MMP24: variants seen among roughly 807,000 people sequenced by gnomAD.
MMP24 encodes matrix metallopeptidase 24.
MMP24 carries 25 observed loss-of-function variants against 62.8 expected under a neutral mutation model. The observed-to-expected ratio is 0.40, with a 90% CI of 0.29 to 0.56. The LOEUF (loss-of-function observed/expected upper bound fraction) is 0.56. MMP24 is among the 20% of genes least tolerant of loss of function. The pLI, the probability that MMP24 is intolerant of heterozygous loss-of-function variation, is 0.50. For missense variants in MMP24, 634 were observed against 853.6 expected, an observed-to-expected ratio of 0.74 and a Z score of 3.21; for synonymous variants, 319 against 350.5, an observed-to-expected ratio of 0.91 and a Z score of 1.00.
At chr20:35,263,304 C>A (rs1221575328) in intron 4 of MMP24, 1 of 151,834 alleles carries the variant, frequency 6.6e-6, no homozygotes, top group East Asian at 1.9e-4. Context: ...TCTCTCCGGC[C>A]CTCCCCTCCT....
intron 1 of MMP24, among the ~76,000 whole-genome samples, chr20:35,233,379 A>C (rs1238734472): frequency 6.6e-6 from 1 of 152,204 alleles, no homozygotes; most frequent in East Asian, 1.9e-4. Flanking sequence ...ACTGTACTCC[A>C]GCCAAAGCAA....
At chr20:35,246,775 C>A in intron 1 of MMP24, 65 bp from the exon 2 acceptor site, 1 of 1,578,508 alleles carries the variant, frequency 6.3e-7, no homozygotes, top group Admixed American at 1.7e-5. Flanking sequence ...CAAGGCACAT[C>A]TCTGCCCAGG....
intron 4 of MMP24, among the ~76,000 whole-genome samples, chr20:35,257,669 G>A (rs2060581739): frequency 6.6e-6 from 1 of 152,178 alleles, no homozygotes; most frequent in African/African-American, 2.4e-5. Flanking sequence ...CCCAAGAGCC[G>A]GTGGTATGTG....
At position 35,246,896 on chromosome 20, in the gene MMP24, G is replaced by C. The variant is rs1322724363; in HGVS notation, c.303G>C (p.Leu101=). Residue 101 remains leucine, a synonymous_variant, in exon 2 of 9, where the codon CTG becomes CTC. Coordinates refer to ENST00000246186, the MANE Select transcript of MMP24 (RefSeq NM_006690.4). Reference sequence around the variant, plus strand: ...CCTATGACTCACGGGCATCTGCGCTGCACTCAGCGAAGGCCTTGCAGTCGG... The same window carrying C: ...CCTATGACTCACGGGCATCTGCGCTCCACTCAGCGAAGGCCTTGCAGTCGG... ...LLPYDSRASA[L]HSAKALQSAV... is the part of the protein sequence containing the mutation. The C allele has an allele frequency of 2.5e-6, 4 of 1,613,892 alleles. No homozygotes were observed. Among genetic ancestry groups the C allele is most frequent in the Non-Finnish European group, 3.4e-6 (4 of 1,179,878 alleles).
chr20:35,242,069 C>T (rs927502763), intron 1 of MMP24, among the ~76,000 whole-genome samples: 3 of 152,178 alleles, frequency 2.0e-5, no homozygotes, highest in Non-Finnish European at 2.9e-5. Flanking sequence ...TGTGGCTCTA[C>T]GCCTGTAATC....
At position 35,274,715 on chromosome 20, in the gene MMP24, T is replaced by C; in HGVS notation, c.*106T>C. 2 of 1,012,220 alleles carry C rather than the reference T, an allele frequency of 2.0e-6. No individual in the cohort carries two copies. The highest frequency in any genetic ancestry group is 2.9e-6 in the Non-Finnish European group (2 of 700,452). The allele number at this position is 1,012,220 out of a possible 1,614,324, so 62.7% of individuals were successfully genotyped here. On this transcript the variant is annotated 3_prime_UTR_variant, in exon 9 of 9. Transcript: ENST00000246186. This position sits in a 1 kb window ranked among gnomAD's most constrained non-coding sequence, Gnocchi z 5.1. Reference sequence around the variant, plus strand: ...GTGCTCACCAGGGCCAGCAGGGCCCTAGGCTGGGGTCGTACAGCTGAAGTG... The same window carrying C: ...GTGCTCACCAGGGCCAGCAGGGCCCCAGGCTGGGGTCGTACAGCTGAAGTG...
rs369151185 is a variant in MMP24 at position 35,267,785 on chromosome 20, T to C, written c.1194+366T>C. ...TGAAGATCCAGTGAGTACCCGGCTC[T>C]GAAGATGGTCAACTTGGAGTAGGGG... On this transcript the variant is annotated intron_variant, in intron 6 of 8. Coordinates refer to ENST00000246186, the MANE Select transcript of MMP24 (RefSeq NM_006690.4). 82 of 292,972 alleles carry C rather than the reference T, an allele frequency of 2.8e-4. 2 individuals carry two copies. The highest frequency in any genetic ancestry group is 1.4e-3 in the African/African-American group (65 of 45,200). The allele number at this position is 292,972 out of a possible 1,614,324, so 18.1% of individuals were successfully genotyped here.
intron 2 of MMP24, 33 bp downstream of exon 2, chr20:35,247,021 C>A (rs1364850688): frequency 6.2e-7 from 1 of 1,611,712 alleles, no homozygotes; most frequent in Non-Finnish European, 8.5e-7. Context: ...TGCCTTTGAA[C>A]TTTCTGGACT....
chr20:35,269,864 T>C lies in MMP24; in HGVS notation c.1299T>C (p.Tyr433=), dbSNP rs963169386. ...KGLPARIDAA[Y]ERADGRFVFF... is the part of the protein sequence containing the mutation. ...TGCCTGCCCGCATCGACGCAGCCTATGAAAGGGCCGATGGGAGATTTGTCT... is the reference window on the plus strand; with the variant it reads ...TGCCTGCCCGCATCGACGCAGCCTACGAAAGGGCCGATGGGAGATTTGTCT... The change falls in exon 7 of 9, where the codon TAT becomes TAC. Residue 433 remains tyrosine, a synonymous_variant. Coordinates refer to ENST00000246186, the MANE Select transcript of MMP24 (RefSeq NM_006690.4). The surrounding 1 kb of genome is among the most constrained non-coding windows in gnomAD (Gnocchi z 4.6). The C allele has an allele frequency of 5.2e-5, 80 of 1,552,350 alleles. 3 individuals are homozygous for C. The highest frequency in any genetic ancestry group is 3.5e-6 in the Non-Finnish European group (4 of 1,147,436).
At chr20:35,260,752 C>T (rs73105237) in intron 4 of MMP24, among the ~76,000 whole-genome samples, 2,447 of 152,350 alleles carry the variant, frequency 0.016, 27 homozygotes, top group Middle Eastern at 0.027. Context: ...CCTTCCTTTC[C>T]GTTGCTCAAA....
At chr20:35,242,631 G>A (rs2060494432) in intron 1 of MMP24, among the ~76,000 whole-genome samples, 1 of 152,176 alleles carries the variant, frequency 6.6e-6, no homozygotes, top group East Asian at 1.9e-4. Context: ...AAGTAATTGT[G>A]TTTGGTCCTA....
rs143794816 is a variant in MMP24, at chr20:35,253,747, A to G, written c.513-703A>G. Among the ~76,000 whole-genome samples, 1,138 of 152,164 alleles carry G rather than the reference A, an allele frequency of 7.5e-3. 22 individuals carry two copies. The highest frequency in any genetic ancestry group is 0.024 in the African/African-American group (985 of 41,454). The stretch of plus-strand genomic sequence containing the variant: ...TTGGTACCAAAGATTTTTTAAAGAG[A>G]CTTTTCACTTAAACTCCTCTCTATT... On this transcript the variant is annotated intron_variant, in intron 3 of 8. Coordinates refer to ENST00000246186, the MANE Select transcript of MMP24 (RefSeq NM_006690.4).
intron 1 of MMP24, among the ~76,000 whole-genome samples, chr20:35,241,436 G>A (rs2146206427): frequency 6.6e-6 from 1 of 152,190 alleles, no homozygotes; most frequent in East Asian, 1.9e-4. Flanking sequence ...TAGGCTCTGA[G>A]GATTGTCCCC....
chr20:35,269,933 C>T lies in MMP24; in HGVS notation c.1333+35C>T, dbSNP rs1308544917. The stretch of plus-strand genomic sequence containing the variant: ...ACTGTGCTGTGGGACAGTTCCCTGC[C>T]CAAGGTCTTGGGACCTCCTTTTTCC... On this transcript the variant is annotated intron_variant, in intron 7 of 8. Coordinates refer to ENST00000246186, the MANE Select transcript of MMP24 (RefSeq NM_006690.4). The surrounding 1 kb of genome is among the most constrained non-coding windows in gnomAD (Gnocchi z 4.6). 1 of 1,550,788 alleles carries T rather than the reference C, an allele frequency of 6.4e-7. No homozygotes were observed.
rs1446488336 is a variant in MMP24 at position 35,271,612 on chromosome 20, G to A, written c.1377G>A (p.Gly459=). The change falls in exon 8 of 9, where the codon GGG becomes GGA. Residue 459 remains glycine, a synonymous_variant. Coordinates refer to ENST00000246186, the MANE Select transcript of MMP24 (RefSeq NM_006690.4). The surrounding 1 kb of genome is among the most constrained non-coding windows in gnomAD (Gnocchi z 4.0). ...WVFKEVTVEP[G]YPHSLGELGS... is the part of the protein sequence containing the mutation. The stretch of plus-strand genomic sequence containing the variant: ...TTAAGGAGGTGACGGTGGAGCCTGG[G>A]TACCCCCACAGCCTGGGGGAGCTGG... The A allele has an allele frequency of 5.0e-6, 8 of 1,612,582 alleles. No individual in the cohort carries two copies. Among genetic ancestry groups the A allele is most frequent in the South Asian group, 1.1e-5 (1 of 90,656 alleles).
At position 35,246,947 on chromosome 20, in the gene MMP24, C is replaced by T. The variant is rs201429856; in HGVS notation, c.354C>T (p.Tyr118=). The T allele has an allele frequency of 7.6e-5, 122 of 1,613,914 alleles. No homozygotes were observed. The highest frequency in any genetic ancestry group is 9.6e-5 in the Non-Finnish European group (113 of 1,179,898). ...QSAVSTMQQF[Y]GIPVTGVLDQ... Reference sequence around the variant, plus strand: ...CAGTCTCCACTATGCAGCAGTTTTACGGGATCCCGGTCACCGGTGTGTTGG... The same window carrying T: ...CAGTCTCCACTATGCAGCAGTTTTATGGGATCCCGGTCACCGGTGTGTTGG... Residue 118 remains tyrosine, a synonymous_variant, in exon 2 of 9, where the codon TAC becomes TAT. Coordinates refer to ENST00000246186, the MANE Select transcript of MMP24 (RefSeq NM_006690.4).
chr20:35,233,737 C>T (rs1334534042), intron 1 of MMP24, among the ~76,000 whole-genome samples: 4 of 152,244 alleles, frequency 2.6e-5, no homozygotes, highest in East Asian at 3.9e-4. Context: ...ATTATAAACT[C>T]CCTTGGACGC....
rs202140682 is a variant in MMP24 at position 35,269,873 on chromosome 20, C to T, written c.1308C>T (p.Ala436=). The T allele has an allele frequency of 1.5e-5, 24 of 1,552,042 alleles. No individual in the cohort carries two copies. The highest frequency in any genetic ancestry group is 2.0e-5 in the Admixed American group (1 of 51,002). Residue 436 remains alanine, a synonymous_variant, in exon 7 of 9, where the codon GCC becomes GCT. Coordinates refer to ENST00000246186, the MANE Select transcript of MMP24 (RefSeq NM_006690.4). This position sits in a 1 kb window ranked among gnomAD's most constrained non-coding sequence, Gnocchi z 4.6. ...PARIDAAYER[A]DGRFVFFKGD... is the part of the protein sequence containing the mutation. The stretch of plus-strand genomic sequence containing the variant: ...GCATCGACGCAGCCTATGAAAGGGC[C>T]GATGGGAGATTTGTCTTCTTCAAAG...
At chr20:35,268,246 T>C (rs1464895796) in intron 6 of MMP24, among the ~76,000 whole-genome samples, 1 of 152,182 alleles carries the variant, frequency 6.6e-6, no homozygotes, top group Non-Finnish European at 1.5e-5. Context: ...AGGAGAGCTC[T>C]CTGAAGCAGG....
Sources: gnomAD v4.1 joint callset for allele counts (sites outside exome capture counted in the v4.1 genomes callset) on GRCh38, gnomAD v4.1.1 for gene constraint, Gnocchi (gnomAD v3.1) non-coding constraint, MANE v1.5 for transcripts, NCBI Gene and HGNC (gene_info 2026-07-23, HGNC 2026-07-21) for gene names.